Variants in SMARCA1 observed in about 807,000 individuals in gnomAD.
The protein encoded by SMARCA1 is SWI/SNF-related matrix-associated actin-dependent regulator of chromatin subfamily A member 1.
SMARCA1 carries 17 observed loss-of-function variants against 93.6 expected under a neutral mutation model. The ratio of observed to expected loss-of-function variants is 0.18; its 90% CI spans 0.12 to 0.27. The LOEUF is 0.27. SMARCA1 is among the 10% of genes least tolerant of loss of function. The probability of loss-of-function intolerance (pLI) is 1.00; values close to 1 mark genes in which losing one functional copy is unlikely to be tolerated. For missense variants in SMARCA1, 630 were observed against 819.0 expected, an observed-to-expected ratio of 0.77 and a Z score of 2.82; for synonymous variants, 271 against 271.4, an observed-to-expected ratio of 1.00 and a Z score of 0.01.
intron 19 of SMARCA1, among the ~76,000 whole-genome samples, chrX:129,478,207 AC>A (rs1933475467): frequency 8.9e-6 from 1 of 112,092 alleles, no homozygotes; most frequent in South Asian, 3.7e-4. Flanking sequence ...CACCACCATT[AC>A]ATTGTAGTAT....
At chrX:129,490,003 A>C in intron 15 of SMARCA1, 57 bp downstream of exon 15, 1 of 932,119 alleles carries the variant, frequency 1.1e-6, no homozygotes, top group Admixed American at 2.9e-5. Flanking sequence ...ATCTCCTTTG[A>C]AGAAAACTAC....
intron 23 of SMARCA1, 92 bp from the exon 24 acceptor site, chrX:129,448,535 T>A (rs1020730613): frequency 2.4e-6 from 2 of 839,547 alleles, no homozygotes; most frequent in Admixed American, 5.8e-5. Flanking sequence ...TTCTGTGGTA[T>A]AGAATTTCCA....
intron 23 of SMARCA1, among the ~76,000 whole-genome samples, chrX:129,454,627 G>A (rs751087691): frequency 2.4e-4 from 27 of 111,542 alleles, no homozygotes; most frequent in East Asian, 1.1e-3. Context: ...AAAAGTGGGC[G>A]AAGGATATGA....
intron 9 of SMARCA1, 42 bp downstream of exon 9, chrX:129,504,692 A>G: frequency 1.1e-6 from 1 of 936,885 alleles, no homozygotes; most frequent in Non-Finnish European, 1.5e-6. Flanking sequence ...CAGTTTGTGT[A>G]TACTATTTAA....
In SMARCA1 at chrX:129,480,715, T is replaced by C; in HGVS notation, c.2428A>G (p.Thr810Ala). 9.2e-7 allele frequency: 1 copy of C among 1,085,592 alleles called. No individual in the cohort carries two copies. The highest frequency in any genetic ancestry group is 1.2e-6 in the Non-Finnish European group (1 of 820,701). 89.5% of individuals were successfully genotyped at this position (1,085,592 alleles called of 1,213,427 possible). ...GGAAAAAATACCTTATAGCCTATTG[T>C]CTTCCGATAATAAAGAATTTCCTTT... The part of the protein sequence containing the change: ...LEKEILYYRK[T>A]IGYKVPRNPD... Residue 810 changes from threonine to alanine, a missense_variant, in exon 19 of 25, where the codon ACA becomes GCA. This residue lies in a region of SMARCA1 where 52 missense variants were observed against 38.3 expected (regional missense o/e 1.36). Transcript: ENST00000371121.
At chrX:129,501,285 G>A (rs920351673) in intron 9 of SMARCA1, among the ~76,000 whole-genome samples, 10 of 102,510 alleles carry the variant, frequency 9.8e-5, no homozygotes, top group African/African-American at 3.9e-4. Context: ...TATATGATAT[G>A]TGTATATACC....
intron 19 of SMARCA1, among the ~76,000 whole-genome samples, chrX:129,475,523 G>GA (rs1305147691): frequency 4.6e-5 from 5 of 107,831 alleles, no homozygotes; most frequent in Non-Finnish European, 7.7e-5. Context: ...CGTCTCAAAA[G>GA]AAAAAAAAAG....
At chrX:129,470,593 C>T (rs1933072088) in intron 20 of SMARCA1, among the ~76,000 whole-genome samples, 2 of 111,832 alleles carry the variant, frequency 1.8e-5, no homozygotes, top group South Asian at 3.8e-4. Context: ...AGGCTTGGCA[C>T]GGTGACTCAC....
chrX:129,515,573 T>G (rs1173319217), intron 5 of SMARCA1, 114 bp downstream of exon 5: 1 of 517,976 alleles, frequency 1.9e-6, no homozygotes, highest in Non-Finnish European at 3.4e-6. Flanking sequence ...TTTTACATGA[T>G]AACAACTTTT....
At chrX:129,464,947 A>T (rs1192944964) in intron 23 of SMARCA1, among the ~76,000 whole-genome samples, 1 of 112,075 alleles carries the variant, frequency 8.9e-6, no homozygotes, top group African/African-American at 3.2e-5. Flanking sequence ...ACTAGCCTGG[A>T]CACCTTTAAA....
At chrX:129,514,922 C>T (rs1374156597) in intron 5 of SMARCA1, among the ~76,000 whole-genome samples, 3 of 110,856 alleles carry the variant, frequency 2.7e-5, no homozygotes, top group African/African-American at 9.9e-5. Context: ...TGGTGGCAGG[C>T]GCCTGTAACC....
chrX:129,492,070 A>G lies in SMARCA1; in HGVS notation c.1686T>C (p.Ala562=). The G allele has an allele frequency of 2.6e-6, 3 of 1,167,561 alleles. No homozygotes were observed. Among genetic ancestry groups the G allele is most frequent in the Non-Finnish European group, 3.5e-6 (3 of 858,572 alleles). Residue 562 remains alanine, a synonymous_variant, in exon 14 of 25, where the codon GCT becomes GCC. Transcript: ENST00000371121. ...GQREAIEAFN[A]PNSSKFIFML... ...TAAAGATGAATTTGCTACTATTAGG[A>G]GCATTAAAAGCCTCTATTGCTTCCT...
At chrX:129,512,005 A>G in intron 5 of SMARCA1, 22 bp from the exon 6 acceptor site, 2 of 1,125,944 alleles carry the variant, frequency 1.8e-6, no homozygotes, top group Non-Finnish European at 2.4e-6. Context: ...TCACAAGGAA[A>G]AAAATCCATG....
Position 129,491,921 on chromosome X carries a change from C to T in SMARCA1, c.1815+20G>A. On this transcript the variant is annotated intron_variant, in intron 14 of 24. Transcript: ENST00000371121. ...ATTCAGAGCTATGATAAATTTCTGACACCATTAAAGATTACTAACCATAGC... is the reference window on the plus strand; with the variant it reads ...ATTCAGAGCTATGATAAATTTCTGATACCATTAAAGATTACTAACCATAGC... 8.8e-7 allele frequency: 1 copy of T among 1,133,471 alleles called. No individual in the cohort carries two copies. The highest frequency in any genetic ancestry group is 1.2e-6 in the Non-Finnish European group (1 of 836,584). The allele number at this position is 1,133,471 out of a possible 1,213,427, so 93.4% of individuals were successfully genotyped here. A position where few individuals can be genotyped will look rare whatever the true frequency, so the allele number is the denominator to read the frequency against.
Position 129,489,041 on chromosome X carries a change from T to C in SMARCA1, c.1993A>G (p.Met665Val). The change falls in exon 16 of 25, where the codon ATG (methionine) becomes GTG (valine). Residue 665 changes from methionine (M) to valine (V), a missense_variant. By Grantham distance (21) the Met-to-Val change is conservative. Transcript: ENST00000371121. ...QQSNKLAKEEMLQMIRHGATH... is the reference protein window; with the variant it reads ...QQSNKLAKEEVLQMIRHGATH... Reference sequence around the variant, plus strand: ...GCTCCATGCCGTATCATTTGTAACATTTCCTCTTTTGCCAGCTTGTTAGAC... The same window carrying C: ...GCTCCATGCCGTATCATTTGTAACACTTCCTCTTTTGCCAGCTTGTTAGAC... 8.4e-7 allele frequency: 1 copy of C among 1,192,373 alleles called. No individual in the cohort carries two copies. The highest frequency in any genetic ancestry group is 1.1e-6 in the Non-Finnish European group (1 of 878,248).
chrX:129,457,685 G>A (rs771967823), intron 23 of SMARCA1, among the ~76,000 whole-genome samples: 1 of 112,132 alleles, frequency 8.9e-6, no homozygotes, highest in East Asian at 2.8e-4. Context: ...CACAAGGCTG[G>A]CTATTCCAAC....
At chrX:129,489,299 T>G (rs1414685207) in intron 15 of SMARCA1, among the ~76,000 whole-genome samples, 1 of 112,494 alleles carries the variant, frequency 8.9e-6, no homozygotes, top group African/African-American at 3.2e-5. Flanking sequence ...TAAAACTCAG[T>G]TAAAACCCAG....
At chrX:129,473,715 G>T (rs912397240) in intron 19 of SMARCA1, among the ~76,000 whole-genome samples, 10 of 112,172 alleles carry the variant, frequency 8.9e-5, no homozygotes, top group Non-Finnish European at 1.7e-4. Flanking sequence ...CATATTGTAT[G>T]ATTCCATTTA....
chrX:129,475,411 C>A (rs375897948), intron 19 of SMARCA1, among the ~76,000 whole-genome samples: 1 of 110,144 alleles, frequency 9.1e-6, no homozygotes, highest in East Asian at 2.8e-4. Flanking sequence ...CCCAGCTACT[C>A]GGGAGGCTAA....
Sources: allele counts gnomAD v4.1 joint callset (sites outside exome capture counted in the v4.1 genomes callset), GRCh38; gene constraint gnomAD v4.1.1; regional missense constraint gnomAD v4.1.1; transcripts MANE v1.5; gene names NCBI Gene and HGNC (gene_info 2026-07-23, HGNC 2026-07-21).